Variants in HLCS observed in about 807,000 individuals in gnomAD.
The protein encoded by HLCS is biotin--protein ligase.
HLCS carries 53 observed loss-of-function variants against 75.0 expected under a neutral mutation model. The ratio of observed to expected loss-of-function variants is 0.71; its 90% confidence interval spans 0.57 to 0.89. The LOEUF (loss-of-function observed/expected upper bound fraction) is 0.89. Ranked by LOEUF, HLCS falls within the 40% of genes least tolerant of loss-of-function variation. The probability of loss-of-function intolerance (pLI) is 0.00; values close to 1 mark genes in which losing one functional copy is unlikely to be tolerated. For synonymous variants in HLCS, 431 were observed against 428.6 expected, an observed-to-expected ratio of 1.01 and a Z score of -0.07; for missense variants, 966 against 1,074.0, an observed-to-expected ratio of 0.90 and a Z score of 1.41.
At chr21:36,949,650 C>T (rs769689704) in intron 2 of HLCS, among the ~76,000 whole-genome samples, 4 of 152,180 alleles carry the variant, frequency 2.6e-5, no homozygotes, top group African/African-American at 4.8e-5. Context: ...ATCTTCAATG[C>T]GCTGCAACAA....
intron 6 of HLCS, among the ~76,000 whole-genome samples, chr21:36,814,165 G>T (rs2061592634): frequency 6.6e-6 from 1 of 152,048 alleles, no homozygotes; most frequent in Non-Finnish European, 1.5e-5. Context: ...CTACAACCTA[G>T]GTAAGGAGAA....
intron 6 of HLCS, among the ~76,000 whole-genome samples, chr21:36,809,964 C>T (rs1011956040): frequency 6.6e-6 from 1 of 152,374 alleles, no homozygotes; most frequent in South Asian, 2.1e-4. Context: ...GTCTCAGACT[C>T]TGAGGTGGGC....
At chr21:36,756,835 A>G (rs1417762777) in intron 9 of HLCS, 80 bp from the exon 10 acceptor site, 1 of 1,607,972 alleles carries the variant, frequency 6.2e-7, no homozygotes, top group Non-Finnish European at 8.5e-7. Flanking sequence ...AAAAAGTTAC[A>G]GTCTTGACTG....
chr21:36,830,644 G>A (rs2146045793), intron 6 of HLCS, among the ~76,000 whole-genome samples: 1 of 151,826 alleles, frequency 6.6e-6, no homozygotes, highest in South Asian at 2.1e-4. Flanking sequence ...GACCAGCCTG[G>A]GCAACATGAT....
intron 6 of HLCS, among the ~76,000 whole-genome samples, chr21:36,798,282 A>C (rs2061090339): frequency 6.6e-6 from 1 of 152,164 alleles, no homozygotes; most frequent in Non-Finnish European, 1.5e-5. Context: ...GAGGACTATG[A>C]ATTTTCACTT....
chr21:36,759,163 T>C (rs1169522503), intron 9 of HLCS: 2 of 471,068 alleles, frequency 4.2e-6, no homozygotes, highest in Non-Finnish European at 8.8e-6. Flanking sequence ...TAGGTTCTAC[T>C]GCCACAGAGT....
intron 2 of HLCS, among the ~76,000 whole-genome samples, chr21:36,942,466 C>T (rs1411583350): frequency 1.3e-5 from 2 of 148,154 alleles, no homozygotes; most frequent in Non-Finnish European, 3.0e-5. Flanking sequence ...ATGCAAACCA[C>T]GTACAAAAAT....
intron 6 of HLCS, among the ~76,000 whole-genome samples, chr21:36,820,222 C>T (rs958402423): frequency 6.6e-6 from 1 of 151,310 alleles, no homozygotes; most frequent in Non-Finnish European, 1.5e-5. Context: ...AGTGAGGCCC[C>T]GTGCCAGCTG....
chr21:36,769,732 T>G (rs1366491296), intron 6 of HLCS, among the ~76,000 whole-genome samples: 3 of 152,218 alleles, frequency 2.0e-5, no homozygotes, highest in Non-Finnish European at 4.4e-5. Flanking sequence ...TCCTGACCAC[T>G]TTGGTTACTA....
intron 6 of HLCS, among the ~76,000 whole-genome samples, chr21:36,840,907 C>T (rs1441025038): frequency 6.6e-6 from 1 of 152,044 alleles, no homozygotes; most frequent in Non-Finnish European, 1.5e-5. Context: ...GCCACAGCAC[C>T]AGGCCACAAT....
intron 2 of HLCS, among the ~76,000 whole-genome samples, chr21:36,956,443 T>C (rs1185158589): frequency 2.0e-5 from 3 of 152,182 alleles, no homozygotes; most frequent in Non-Finnish European, 4.4e-5. Context: ...TATTTGAGTT[T>C]GTAGGCCAGG....
At chr21:36,917,127 G>A (rs1286539261) in intron 5 of HLCS, among the ~76,000 whole-genome samples, 1 of 152,082 alleles carries the variant, frequency 6.6e-6, no homozygotes, top group Non-Finnish European at 1.5e-5. Flanking sequence ...AAAATTGGGG[G>A]AGAAATAAAG....
At chr21:36,789,646 G>A (rs1461494187) in intron 6 of HLCS, among the ~76,000 whole-genome samples, 2 of 152,124 alleles carry the variant, frequency 1.3e-5, no homozygotes, top group Non-Finnish European at 2.9e-5. Flanking sequence ...GAGTAATCCC[G>A]ACAGTCTGGA....
Position 36,765,000 on chromosome 21 carries a change from A to G in HLCS, c.2121+12T>C. 6.2e-7 allele frequency: 1 copy of G among 1,614,064 alleles called. No homozygotes were observed. Among genetic ancestry groups the G allele is most frequent in the Non-Finnish European group, 8.5e-7 (1 of 1,179,894 alleles). On this transcript the variant is annotated intron_variant, in intron 8 of 10. Transcript: ENST00000674895. ...ATCCCAGGGACATAGAAGGAGACTGAACTGTACCTACCTGATACTCGGGAA... is the reference window on the plus strand; with the variant it reads ...ATCCCAGGGACATAGAAGGAGACTGGACTGTACCTACCTGATACTCGGGAA...
At chr21:36,822,321 G>A (rs2061869673) in intron 6 of HLCS, among the ~76,000 whole-genome samples, 1 of 152,174 alleles carries the variant, frequency 6.6e-6, no homozygotes, top group Non-Finnish European at 1.5e-5. Context: ...TTGGGAGGCT[G>A]AGGCAGAAGA....
chr21:36,761,663 G>A (rs1200442598), intron 8 of HLCS, among the ~76,000 whole-genome samples: 1 of 152,104 alleles, frequency 6.6e-6, no homozygotes, highest in Admixed American at 6.5e-5. Context: ...ACATCCCCAC[G>A]ACAAACATGC....
At chr21:36,790,695 G>C (rs1055205926) in intron 6 of HLCS, among the ~76,000 whole-genome samples, 1 of 152,194 alleles carries the variant, frequency 6.6e-6, no homozygotes, top group Non-Finnish European at 1.5e-5. Flanking sequence ...ACGCAGGAAT[G>C]CTCCAATCTG....
intron 4 of HLCS, among the ~76,000 whole-genome samples, chr21:36,932,673 T>C (rs181929467): frequency 5.5e-4 from 84 of 152,318 alleles, no homozygotes; most frequent in African/African-American, 1.8e-3. Context: ...GTCTGCCTTA[T>C]TTTGTTTCAG....
rs192127833 is a variant in HLCS at position 36,962,479 on chromosome 21, G to A, written c.196-309C>T. ...ACTGCTTAGCACACAGTAGCTAACC[G>A]GGAAGTACATTTAAAGATGAGGAGG... On this transcript the variant is annotated intron_variant, in intron 1 of 10. Coordinates refer to ENST00000674895, the MANE Select transcript of HLCS (RefSeq NM_001352514.2). 1.2e-4 allele frequency among the ~76,000 whole-genome samples: 19 copies of A among 152,196 alleles called. 1 individual carries two copies. Among genetic ancestry groups the A allele is most frequent in the Admixed American group, 4.6e-4 (7 of 15,276 alleles).
Sources: gnomAD v4.1 joint callset for allele counts (sites outside exome capture counted in the v4.1 genomes callset) on GRCh38, gnomAD v4.1.1 for gene constraint, MANE v1.5 for transcripts, NCBI Gene and HGNC (gene_info 2026-07-23, HGNC 2026-07-21) for gene names.